Variants in HM13 observed in about 807,000 individuals in gnomAD.
HM13 encodes signal peptide peptidase.
In HM13, 18 loss-of-function variants were observed where a neutral mutation model predicts 50.0. The observed-to-expected ratio is 0.36, with a 90% CI of 0.25 to 0.53. The LOEUF (loss-of-function observed/expected upper bound fraction) is 0.53. HM13 is among the 20% of genes least tolerant of loss of function. The probability of loss-of-function intolerance (pLI) is 0.90; values close to 1 mark genes in which losing one functional copy is unlikely to be tolerated. For synonymous variants in HM13, 197 were observed against 232.6 expected (o/e 0.85, Z 1.39); for missense variants, 393 against 552.4 (o/e 0.71, Z 2.89).
intron 8 of HM13, among the ~76,000 whole-genome samples, chr20:31,557,703 CTTTT>C (rs1180267680): frequency 4.9e-5 from 4 of 80,906 alleles, no homozygotes; most frequent in African/African-American, 1.1e-4. Flanking sequence ...GGCAGTGCTT[CTTTT>C]TTTTTTTTTT....
chr20:31,520,032 T>TA (rs1244121086), intron 1 of HM13, among the ~76,000 whole-genome samples: 9 of 151,934 alleles, frequency 5.9e-5, no homozygotes, highest in African/African-American at 1.9e-4. Context: ...AATTTTTATG[T>TA]TTTTCATACA....
chr20:31,539,103 G>A lies in HM13; in HGVS notation c.365+842G>A, dbSNP rs549689254. 30 of 985,450 alleles carry A rather than the reference G, an allele frequency of 3.0e-5. 1 individual carries two copies. In the African/African-American group the frequency reaches 3.3e-4, roughly 11 times the overall value. The allele number at this position is 985,450 out of a possible 1,614,324, so 61.0% of individuals were successfully genotyped here. A position where few individuals can be genotyped will look rare whatever the true frequency, so the allele number is the denominator to read the frequency against. ...CCCTAACTCAAACTGCCACATGCTC[G>A]TGTCCTTTCAGTGGGGAGAGTGGTT... On this transcript the variant is annotated intron_variant, in intron 3 of 12. Coordinates refer to ENST00000398174, the MANE Select transcript of HM13 (RefSeq NM_178581.3).
chr20:31,539,967 C>T (rs1421434655), intron 3 of HM13: 1 of 152,162 alleles, frequency 6.6e-6, no homozygotes, highest in Non-Finnish European at 1.5e-5. Flanking sequence ...GTTCTTCTAC[C>T]TATAAAATGG....
At chr20:31,543,293 T>C (rs1183016107) in intron 3 of HM13, among the ~76,000 whole-genome samples, 1 of 152,074 alleles carries the variant, frequency 6.6e-6, no homozygotes, top group African/African-American at 2.4e-5. Context: ...GGTTTTTTGT[T>C]TTTGTTTTTA....
intron 1 of HM13, among the ~76,000 whole-genome samples, chr20:31,516,747 C>G (rs1331061209): frequency 6.6e-6 from 1 of 152,170 alleles, no homozygotes; most frequent in African/African-American, 2.4e-5. Flanking sequence ...CAAGCATCTC[C>G]TGCAGGGCAG....
chr20:31,514,702 G>A lies in HM13; in HGVS notation c.151G>A (p.Ala51Thr). The A allele has an allele frequency of 6.5e-7, 1 of 1,549,020 alleles. No individual in the cohort carries two copies. Among genetic ancestry groups the A allele is most frequent in the Non-Finnish European group, 8.7e-7 (1 of 1,147,408 alleles). The change falls in exon 1 of 13, where the codon GCC (alanine) becomes ACC (threonine). Residue 51 changes from alanine (A) to threonine (T), a missense_variant. By Grantham distance (58) the Ala-to-Thr change is moderately conservative. Transcript: ENST00000398174. This position sits in a 1 kb window ranked among gnomAD's most constrained non-coding sequence, Gnocchi z 4.3. ...LMALLPIFFGALRSVRCARGK... is the reference protein window; with the variant it reads ...LMALLPIFFGTLRSVRCARGK... Reference sequence around the variant, plus strand: ...GGCGCTGCTGCCCATCTTCTTCGGCGCCCTGCGCTCCGTACGCTGCGCCCG... The same window carrying A: ...GGCGCTGCTGCCCATCTTCTTCGGCACCCTGCGCTCCGTACGCTGCGCCCG...
At chr20:31,555,897 G>C (rs1984287766) in intron 8 of HM13, among the ~76,000 whole-genome samples, 1 of 152,016 alleles carries the variant, frequency 6.6e-6, no homozygotes, top group East Asian at 1.9e-4. Flanking sequence ...TTGAGCCCAG[G>C]AGTTCAAGGC....
chr20:31,541,466 G>C (rs1983446847), intron 3 of HM13: 1 of 146,580 alleles, frequency 6.8e-6, no homozygotes, highest in African/African-American at 2.6e-5. Context: ...CTGGGTAACA[G>C]AGTAAGACCC....
chr20:31,539,256 C>T (rs1339595078), intron 3 of HM13: 10 of 985,546 alleles, frequency 1.0e-5, no homozygotes, highest in Non-Finnish European at 1.1e-5. Flanking sequence ...CCAGTATTCC[C>T]CAGCTTGTGA....
chr20:31,540,893 T>G (rs1983413679), intron 3 of HM13: 1 of 150,546 alleles, frequency 6.6e-6, no homozygotes, highest in African/African-American at 2.5e-5. Context: ...GGCAGGAGAA[T>G]CACTTGAACC....
intron 1 of HM13, among the ~76,000 whole-genome samples, chr20:31,516,574 A>G (rs1227765803): frequency 2.0e-5 from 3 of 152,226 alleles, no homozygotes; most frequent in African/African-American, 7.2e-5. Flanking sequence ...GTAGAGGTAG[A>G]ATTTCAGCCA....
At chr20:31,524,921 G>GCC (rs1982398205) in intron 1 of HM13, among the ~76,000 whole-genome samples, 1 of 151,934 alleles carries the variant, frequency 6.6e-6, no homozygotes, top group Non-Finnish European at 1.5e-5. Flanking sequence ...CACCACGTTA[G>GCC]CCAGGATGGT....
At chr20:31,560,694 C>CA (rs1221848703) in intron 9 of HM13, among the ~76,000 whole-genome samples, 2 of 152,262 alleles carry the variant, frequency 1.3e-5, no homozygotes, top group African/African-American at 2.4e-5. Flanking sequence ...CCCTCAGAGA[C>CA]AGAGTCTCAT....
intron 2 of HM13, among the ~76,000 whole-genome samples, chr20:31,536,914 A>G (rs1178715559): frequency 6.6e-6 from 1 of 152,150 alleles, no homozygotes; most frequent in Admixed American, 6.6e-5. Context: ...TTCTTTCGAG[A>G]TTCTTTCTCC....
chr20:31,556,266 G>A (rs1243770206), intron 8 of HM13, among the ~76,000 whole-genome samples: 1 of 151,750 alleles, frequency 6.6e-6, no homozygotes, highest in Non-Finnish European at 1.5e-5. Flanking sequence ...TCAAACTCCC[G>A]ACCTCAGGTG....
intron 2 of HM13, among the ~76,000 whole-genome samples, chr20:31,530,012 C>T (rs1330662072): frequency 6.6e-6 from 1 of 151,568 alleles, no homozygotes; most frequent in Non-Finnish European, 1.5e-5. Flanking sequence ...TACATGTAGG[C>T]CTGGTGCAGT....
intron 2 of HM13, among the ~76,000 whole-genome samples, chr20:31,536,958 CTT>C (rs1983150625): frequency 6.6e-6 from 1 of 152,248 alleles, no homozygotes; most frequent in Admixed American, 6.5e-5. Context: ...AGAGCAGCGA[CTT>C]TGCCTGATTC....
At chr20:31,565,165 CAAA>C (rs983329719) in intron 10 of HM13, among the ~76,000 whole-genome samples, 11 of 77,958 alleles carry the variant, frequency 1.4e-4, no homozygotes, top group Non-Finnish European at 1.4e-4. Context: ...GACTCCATCT[CAAA>C]AAAAAAAAAA....
intron 2 of HM13, among the ~76,000 whole-genome samples, chr20:31,535,104 A>G (rs1223166527): frequency 1.3e-5 from 2 of 152,014 alleles, no homozygotes; most frequent in African/African-American, 2.4e-5. Context: ...AAAAAGAAGA[A>G]GAGGAGGGCC....
Sources: gnomAD v4.1 joint callset for allele counts (sites outside exome capture counted in the v4.1 genomes callset) on GRCh38, gnomAD v4.1.1 for gene constraint, Gnocchi (gnomAD v3.1) non-coding constraint, MANE v1.5 for transcripts, NCBI Gene and HGNC (gene_info 2026-07-23, HGNC 2026-07-21) for gene names.